Variants in COL2A1 observed in about 807,000 individuals in gnomAD.
The protein encoded by COL2A1 is collagen type II alpha 1 chain.
Under a neutral mutation model 204.5 loss-of-function variants are expected in COL2A1, and 28 were observed. The ratio of observed to expected loss-of-function variants is 0.14; its 90% CI spans 0.10 to 0.19. COL2A1 has a LOEUF of 0.19. Ranked by LOEUF, COL2A1 falls within the 10% of genes least tolerant of loss-of-function variation. The pLI, the probability that COL2A1 is intolerant of heterozygous loss-of-function variation, is 1.00. For synonymous variants in COL2A1, 708 were observed against 718.7 expected (o/e 0.99, Z 0.24); for missense variants, 1,388 against 2,027.5 (o/e 0.68, Z 6.06).
intron 14 of COL2A1, 141 bp from the exon 15 acceptor site, chr12:47,993,643 C>T (rs1056681469): frequency 3.3e-5 from 36 of 1,076,878 alleles, no homozygotes; most frequent in Non-Finnish European, 4.7e-5. Flanking sequence ...ATGCCCTGAG[C>T]TCTCCAGGCC....
At position 47,995,247 on chromosome 12, in the gene COL2A1, A is replaced by G. The variant is rs1360567173; in HGVS notation, c.762+8T>C. ...CAGCTCCTCATTTGTCTACTCGTGT[A>G]TACTCACATCATCACCAGGCTTTCC... On this transcript the variant is annotated splice_region_variant and intron_variant, in intron 11 of 53. Coordinates refer to ENST00000380518, the MANE Select transcript of COL2A1 (RefSeq NM_001844.5). The G allele has an allele frequency of 1.2e-6, 2 of 1,611,946 alleles. No homozygotes were observed. Among genetic ancestry groups the G allele is most frequent in the South Asian group, 1.1e-5 (1 of 91,036 alleles).
chr12:47,974,113 G>A lies in COL2A1; in HGVS notation c.4293C>T (p.Tyr1431=). 6.2e-7 allele frequency: 1 copy of A among 1,614,230 alleles called. No homozygotes were observed. Among genetic ancestry groups the A allele is most frequent in the Non-Finnish European group, 8.5e-7 (1 of 1,180,048 alleles). ...CCGTGCAGCCATCCTTCAGGGCAGT[G>A]TACGTGAACCTGCTATTGCCCTCTG... The part of the protein sequence containing the change: ...IRAEGNSRFT[Y]TALKDGCTKH... The change falls in exon 53 of 54, where the codon TAC becomes TAT. Residue 1431 remains tyrosine (Y), a synonymous_variant. Coordinates refer to ENST00000380518, the MANE Select transcript of COL2A1 (RefSeq NM_001844.5).
At chr12:47,981,885 C>T (rs41263861) in intron 35 of COL2A1, 56 bp from the exon 36 acceptor site, 9 of 1,528,208 alleles carry the variant, frequency 5.9e-6, no homozygotes, top group Admixed American at 1.9e-5. Context: ...CGAGCACGTG[C>T]GGCCCGGCAC....
In COL2A1 at chr12:47,999,568, T is replaced by C. The variant is rs115159354; in HGVS notation, c.292+351A>G. ...GGCAGAGGAGGAATTAATTCGTGGA[T>C]TGGCCAGACAGAGCATTTGATCTCC... On this transcript the variant is annotated intron_variant, in intron 2 of 53. Coordinates refer to ENST00000380518, the MANE Select transcript of COL2A1 (RefSeq NM_001844.5). 951 of 268,722 alleles carry C rather than the reference T, an allele frequency of 3.5e-3. 15 individuals are homozygous for C. Among genetic ancestry groups the C allele is most frequent in the African/African-American group, 0.02 (868 of 43,772 alleles). 16.6% of individuals were successfully genotyped at this position (268,722 alleles called of 1,614,324 possible).
At chr12:47,996,710 G>A (rs1279414829) in intron 7 of COL2A1, 85 bp from the exon 8 acceptor site, 5 of 1,009,344 alleles carry the variant, frequency 5.0e-6, no homozygotes, top group Non-Finnish European at 7.9e-6. Flanking sequence ...TGGATACAAA[G>A]AACTCTACTG....
rs1170523902 is a variant in COL2A1 at position 47,982,917 on chromosome 12, G to A, written c.2124C>T (p.Gly708=). 3 of 1,613,520 alleles carry A rather than the reference G, an allele frequency of 1.9e-6. No individual in the cohort carries two copies. The South Asian group carries it at 3.3e-5, about 18-fold the overall frequency. Residue 708 remains glycine (G), a synonymous_variant, in exon 33 of 54, where the codon GGC becomes GGT. Coordinates refer to ENST00000380518, the MANE Select transcript of COL2A1 (RefSeq NM_001844.5). ...CCTGGAGGCCCTGGGCACCGGGAGAGCCACGTTCACCTGGGAAACCTCGTT... is the reference window on the plus strand; with the variant it reads ...CCTGGAGGCCCTGGGCACCGGGAGAACCACGTTCACCTGGGAAACCTCGTT... ...RGERGFPGER[G]SPGAQGLQGP...
In COL2A1 at chr12:47,998,451, G is replaced by C; in HGVS notation, c.293-20C>G. On this transcript the variant is annotated intron_variant, in intron 2 of 53. Coordinates refer to ENST00000380518, the MANE Select transcript of COL2A1 (RefSeq NM_001844.5). ...GTTGCCCTGCAAGGGAAAAAATATA[G>C]AGAAGAAGAAGGTAAGAATCTTGAG... 4.3e-6 allele frequency: 7 copies of C among 1,609,764 alleles called. No individual in the cohort carries two copies. Among genetic ancestry groups the C allele is most frequent in the African/African-American group, 1.3e-5 (1 of 74,922 alleles).
intron 1 of COL2A1, among the ~76,000 whole-genome samples, chr12:48,001,939 G>C (rs1285161421): frequency 6.6e-6 from 1 of 152,112 alleles, no homozygotes; most frequent in Admixed American, 6.5e-5. Context: ...ACCTCTTTCG[G>C]GGAACTGTTT....
At chr12:47,983,912 C>G (rs1739727091) in intron 29 of COL2A1, 175 bp downstream of exon 29, 1 of 906,812 alleles carries the variant, frequency 1.1e-6, no homozygotes, top group South Asian at 1.4e-5. Context: ...TCCTCTCCAC[C>G]AATGTGGGTC....
In COL2A1 at chr12:47,973,325, A is replaced by G; in HGVS notation, c.*82T>C. The G allele has an allele frequency of 6.3e-7, 1 of 1,579,638 alleles. No individual in the cohort carries two copies. Among genetic ancestry groups the G allele is most frequent in the African/African-American group, 1.3e-5 (1 of 74,296 alleles). On this transcript the variant is annotated 3_prime_UTR_variant, in exon 54 of 54. Transcript: ENST00000380518. ...TCAGGTCAGGTCAGCCATTCAGTGC[A>G]GAGTCCTAGAGTGACTGAGATTGGA...
chr12:47,977,967 C>A, intron 44 of COL2A1, 43 bp downstream of exon 44: 1 of 1,548,722 alleles, frequency 6.5e-7, no homozygotes. Flanking sequence ...TCACAGGGCC[C>A]CTCTCCCCAA....
At chr12:47,979,923 G>T in intron 40 of COL2A1, 86 bp downstream of exon 40, 2 of 1,129,684 alleles carry the variant, frequency 1.8e-6, no homozygotes, top group Non-Finnish European at 2.4e-6. Flanking sequence ...ACAGTCGGGG[G>T]CATCCCAGAA....
chr12:47,987,589 G>A lies in COL2A1; in HGVS notation c.1221+22C>T, dbSNP rs369917938. 4.4e-5 allele frequency: 70 copies of A among 1,596,060 alleles called. No homozygotes were observed. Among genetic ancestry groups the A allele is most frequent in the Non-Finnish European group, 5.9e-5 (69 of 1,167,280 alleles). The stretch of plus-strand genomic sequence containing the variant: ...AGCCACAGACCCCAGACCCCCCCAG[G>A]CCAAAGAGAAGCTGCACTTACGGAG... On this transcript the variant is annotated intron_variant, in intron 19 of 53. Transcript: ENST00000380518. The surrounding 1 kb of genome is among the most constrained non-coding windows in gnomAD (Gnocchi z 4.1).
rs1592213064 is a variant in COL2A1 at position 47,983,425 on chromosome 12, G to A, written c.2009C>T (p.Pro670Leu). Residue 670 changes from proline to leucine, a missense_variant, in exon 31 of 54, where the codon CCT (proline) becomes CTT (leucine). Transcript: ENST00000380518. The stretch of plus-strand genomic sequence containing the variant: ...TCCACCTTCACCTGGGGGACCAGGA[G>A]GGCCAGGAAGTCCCTAGAAGCCGAA... ...GPSGFQGLPG[P>L]PGPPGEGGKP... The A allele has an allele frequency of 1.2e-6, 2 of 1,614,028 alleles. No homozygotes were observed. Among genetic ancestry groups the A allele is most frequent in the Non-Finnish European group, 1.7e-6 (2 of 1,180,004 alleles).
Position 47,997,636 on chromosome 12 carries a change from G to T in COL2A1, c.501C>A (p.Pro167=), listed in dbSNP as rs768549401. The change falls in exon 7 of 54, where the codon CCC becomes CCA. Residue 167 remains proline, a synonymous_variant. Coordinates refer to ENST00000380518, the MANE Select transcript of COL2A1 (RefSeq NM_001844.5). ...CAAGACCAGGGGGACCAGGGGGGCC[G>T]GGAGGACCAGGGGGGCCAGGATTTC... is the stretch of plus-strand genomic sequence containing the variant. The part of the protein sequence containing the change: ...TPGNPGPPGP[P]GPPGPPGLGG... 1 of 1,613,254 alleles carries T rather than the reference G, an allele frequency of 6.2e-7. No homozygotes were observed. The highest frequency in any genetic ancestry group is 1.1e-5 in the South Asian group (1 of 91,028).
rs777810611 is a variant in COL2A1, at chr12:47,976,824, C to T, written c.3423G>A (p.Leu1141=). ...CAGTGACACTCACAGGAGGGCCGGG[C>T]AGACCCTGCAGACCAGTGAAGCCAC... ...GHRGFTGLQG[L]PGPPGPSGDQ... is the part of the protein sequence containing the mutation. The change falls in exon 48 of 54, where the codon CTG becomes CTA. Residue 1141 remains leucine (L), a synonymous_variant. Coordinates refer to ENST00000380518, the MANE Select transcript of COL2A1 (RefSeq NM_001844.5). The surrounding 1 kb of genome is among the most constrained non-coding windows in gnomAD (Gnocchi z 4.3). 5 of 1,612,926 alleles carry T rather than the reference C, an allele frequency of 3.1e-6. No homozygotes were observed. In the East Asian group the frequency reaches 8.9e-5, roughly 29 times the overall value.
At chr12:47,983,220 C>T (rs527551118) in intron 31 of COL2A1, 83 bp from the exon 32 acceptor site, 3 of 1,532,682 alleles carry the variant, frequency 2.0e-6, no homozygotes, top group Non-Finnish European at 2.7e-6. Context: ...GGCTGAATAT[C>T]ACTCCTCCCA....
In COL2A1 at chr12:47,987,053, C is replaced by G. The variant is rs777092306; in HGVS notation, c.1365+25G>C. ...TTTGACTCCAGAGATGTCAGTGGAA[C>G]TTGGGGGTCACTTTGGGCTCTTACC... On this transcript the variant is annotated intron_variant, in intron 21 of 53. Transcript: ENST00000380518. The surrounding 1 kb of genome is among the most constrained non-coding windows in gnomAD (Gnocchi z 4.1). 11 of 1,610,000 alleles carry G rather than the reference C, an allele frequency of 6.8e-6. No homozygotes were observed. The Admixed American group carries it at 1.5e-4, about 22-fold the overall frequency.
intron 7 of COL2A1, among the ~76,000 whole-genome samples, chr12:47,997,010 A>G (rs1002541712): frequency 2.6e-5 from 4 of 152,244 alleles, no homozygotes; most frequent in African/African-American, 9.6e-5. Context: ...GACTAAAATC[A>G]ACAGTCTTGG....
Sources: allele counts gnomAD v4.1 joint callset (sites outside exome capture counted in the v4.1 genomes callset), GRCh38; gene constraint gnomAD v4.1.1; non-coding constraint Gnocchi (gnomAD v3.1); transcripts MANE v1.5; gene names NCBI Gene and HGNC (gene_info 2026-07-23, HGNC 2026-07-21).